CPE: variants seen among roughly 807,000 people sequenced by gnomAD.
CPE encodes carboxypeptidase E.
A neutral mutation model predicts 53.5 loss-of-function variants in CPE; 17 were observed. The observed-to-expected ratio is 0.32, with a 90% CI of 0.22 to 0.48. The LOEUF is 0.48. CPE is among the 20% of genes least tolerant of loss of function. CPE has a pLI of 0.99. For synonymous variants in CPE, 226 were observed against 228.8 expected, an observed-to-expected ratio of 0.99 and a Z score of 0.11; for missense variants, 524 against 614.7, an observed-to-expected ratio of 0.85 and a Z score of 1.56.
At chr4:165,401,979 G>A (rs1720618039) in intron 1 of CPE, among the ~76,000 whole-genome samples, 1 of 152,204 alleles carries the variant, frequency 6.6e-6, no homozygotes, top group African/African-American at 2.4e-5. Context: ...AAGGTGTGGT[G>A]ACAATGGAAT....
chr4:165,464,609 C>T (rs1309770297), intron 2 of CPE, 23 bp downstream of exon 2: 1 of 1,571,418 alleles, frequency 6.4e-7, no homozygotes, highest in Non-Finnish European at 8.6e-7. Flanking sequence ...CAGCTCAGAT[C>T]AGGCGTGCTT....
At chr4:165,423,876 G>A (rs149236034) in intron 1 of CPE, among the ~76,000 whole-genome samples, 6,194 of 142,276 alleles carry the variant, frequency 0.044, 210 homozygotes, top group East Asian at 0.16. Context: ...TCCCACCTAT[G>A]AGTGAGAATA....
chr4:165,393,113 G>A (rs1034526604), intron 1 of CPE, among the ~76,000 whole-genome samples: 10 of 151,954 alleles, frequency 6.6e-5, no homozygotes, highest in Non-Finnish European at 8.8e-5. Flanking sequence ...AGTTCAATTA[G>A]TGTTCTGTTT....
chr4:165,422,371 A>C (rs184793196), intron 1 of CPE, among the ~76,000 whole-genome samples: 101 of 151,898 alleles, frequency 6.6e-4, no homozygotes, highest in African/African-American at 2.2e-3. Context: ...CTTTACAATA[A>C]AAAATTGTTT....
At chr4:165,461,166 C>CAAAAAAA (rs1173022270) in intron 1 of CPE, among the ~76,000 whole-genome samples, 764 of 44,114 alleles carry the variant, frequency 0.017, 35 homozygotes, top group East Asian at 0.028. Flanking sequence ...GCCTCTGCCT[C>CAAAAAAA]AAAAAAAAAA....
intron 1 of CPE, among the ~76,000 whole-genome samples, chr4:165,412,325 G>A (rs541577031): frequency 1.1e-4 from 17 of 152,182 alleles, no homozygotes; most frequent in Admixed American, 3.3e-4. Flanking sequence ...TCTTTTTTAA[G>A]TTATGCTGAC....
intron 1 of CPE, among the ~76,000 whole-genome samples, chr4:165,444,388 G>T (rs534152220): frequency 2.0e-5 from 3 of 152,068 alleles, no homozygotes; most frequent in Admixed American, 2.0e-4. Context: ...TTGACCAGGC[G>T]CAGTGGCTCA....
chr4:165,386,437 T>C, intron 1 of CPE: 1 of 392,474 alleles, frequency 2.5e-6, no homozygotes, highest in South Asian at 1.9e-5. Flanking sequence ...CAAAAATGCA[T>C]ATCATAAAAC....
chr4:165,449,667 G>C (rs1463886414), intron 1 of CPE, among the ~76,000 whole-genome samples: 4 of 151,792 alleles, frequency 2.6e-5, no homozygotes, highest in South Asian at 2.1e-4. Flanking sequence ...TTGTTTATTT[G>C]TTTGGGTTTC....
rs1218962514 is a variant in CPE, at chr4:165,467,669, TTGAC to T, written c.505-17_505-14del. On this transcript the variant is annotated splice_polypyrimidine_tract_variant and intron_variant, in intron 2 of 8. Coordinates refer to ENST00000402744, the MANE Select transcript of CPE (RefSeq NM_001873.4). Reference sequence around the variant, plus strand: ...AATAAGCAACTAATGATTTTTCTCTTTGACTTTTTTTTTTTTAGCCTGGTGAACT... The same window carrying T: ...AATAAGCAACTAATGATTTTTCTCTTTTTTTTTTTTTTAGCCTGGTGAACT... The T allele has an allele frequency of 1.9e-6, 3 of 1,570,802 alleles. No individual in the cohort carries two copies. The Admixed American group carries it at 6.1e-5, about 32-fold the overall frequency.
chr4:165,382,635 A>G (rs1303953478), intron 1 of CPE, among the ~76,000 whole-genome samples: 2 of 152,188 alleles, frequency 1.3e-5, no homozygotes, highest in African/African-American at 2.4e-5. Context: ...AAATACAACA[A>G]CATACCCACA....
At chr4:165,389,558 C>T (rs998632290) in intron 1 of CPE, among the ~76,000 whole-genome samples, 7 of 152,166 alleles carry the variant, frequency 4.6e-5, no homozygotes, top group African/African-American at 1.7e-4. Context: ...TAGGTTACAA[C>T]TTCATGGCTT....
chr4:165,412,618 C>A (rs1281029886), intron 1 of CPE, among the ~76,000 whole-genome samples: 3 of 152,210 alleles, frequency 2.0e-5, no homozygotes, highest in Non-Finnish European at 4.4e-5. Context: ...AATTCCAGAT[C>A]CTGTGCTCTT....
chr4:165,491,528 T>C (rs1309172147), intron 6 of CPE, among the ~76,000 whole-genome samples: 1 of 152,170 alleles, frequency 6.6e-6, no homozygotes, highest in African/African-American at 2.4e-5. Context: ...ATGTTTCATG[T>C]TTTCCAATGG....
intron 3 of CPE, among the ~76,000 whole-genome samples, chr4:165,472,815 T>A (rs186203352): frequency 3.3e-5 from 5 of 152,354 alleles, no homozygotes; most frequent in Non-Finnish European, 5.9e-5. Context: ...AAAACCACAT[T>A]CTACTTTCCT....
chr4:165,432,305 T>C (rs1731426112), intron 1 of CPE, among the ~76,000 whole-genome samples: 1 of 152,142 alleles, frequency 6.6e-6, no homozygotes, highest in East Asian at 1.9e-4. Flanking sequence ...CATTTTTGTG[T>C]GTGTGTGTGA....
intron 1 of CPE, among the ~76,000 whole-genome samples, chr4:165,458,210 T>A (rs1165470650): frequency 6.6e-6 from 1 of 152,160 alleles, no homozygotes. Flanking sequence ...ATCAGTGCGG[T>A]GATTGTGAGG....
Position 165,387,273 on chromosome 4 carries a change from G to T in CPE, c.307+7745G>T, listed in dbSNP as rs1050549929. ...CATGTGGAGTATTAAAGAGATGGCT[G>T]TTAAGCAAAGATAAATGAATTACTT... On this transcript the variant is annotated intron_variant, in intron 1 of 8. Coordinates refer to ENST00000402744, the MANE Select transcript of CPE (RefSeq NM_001873.4). Among the ~76,000 whole-genome samples the T allele has an allele frequency of 1.1e-4, 17 of 152,304 alleles. No individual in the cohort carries two copies. In the South Asian group the frequency reaches 3.1e-3, roughly 28 times the overall value.
chr4:165,447,571 TAAA>T, intron 1 of CPE, among the ~76,000 whole-genome samples: 2 of 145,818 alleles, frequency 1.4e-5, no homozygotes, highest in African/African-American at 2.5e-5. Context: ...ACTCTGTCTT[TAAA>T]AAAAAAAAAA....
Sources: allele counts gnomAD v4.1 joint callset (sites outside exome capture counted in the v4.1 genomes callset), GRCh38; gene constraint gnomAD v4.1.1; transcripts MANE v1.5; gene names NCBI Gene and HGNC (gene_info 2026-07-23, HGNC 2026-07-21).